Variants in NEB observed in about 807,000 individuals in gnomAD.
NEB encodes nemaline myopathy type 2.
A neutral mutation model predicts 952.2 loss-of-function variants in NEB; 512 were observed. The ratio of observed to expected loss-of-function variants is 0.54; its 90% CI spans 0.50 to 0.58. The LOEUF (loss-of-function observed/expected upper bound fraction) is 0.58. Among genes scored for constraint, NEB ranks in the 20% least tolerant of loss-of-function variants. NEB has a pLI of 0.00. For synonymous variants in NEB, 2,900 were observed against 3,149.8 expected (o/e 0.92, Z 2.66); for missense variants, 8,428 against 9,231.1 (o/e 0.91, Z 3.56).
chr2:151,489,962 T>C lies in NEB; in HGVS notation c.25404+9A>G, dbSNP rs771168563. ...AATAATTTATTTAAGTGAGTTGTTA[T>C]TCACTTACTCCAGCAGTAGATGGAT... On this transcript the variant is annotated intron_variant, in intron 181 of 181. Coordinates refer to ENST00000397345, the MANE Select transcript of NEB (RefSeq NM_001164508.2). 5 of 1,542,134 alleles carry C rather than the reference T, an allele frequency of 3.2e-6. No individual in the cohort carries two copies. The highest frequency in any genetic ancestry group is 2.2e-5 in the East Asian group (1 of 44,550).
At chr2:151,638,908 G>C (rs2098811054) in intron 63 of NEB, among the ~76,000 whole-genome samples, 1 of 151,332 alleles carries the variant, frequency 6.6e-6, no homozygotes, top group South Asian at 2.1e-4. Context: ...CTTAAATTTG[G>C]ATCCTAAACC....
At chr2:151,614,913 G>A (rs1489884739) in intron 76 of NEB, among the ~76,000 whole-genome samples, 1 of 152,120 alleles carries the variant, frequency 6.6e-6, no homozygotes, top group Non-Finnish European at 1.5e-5. Flanking sequence ...ACAATCTGAT[G>A]GAGCATAACA....
chr2:151,669,151 C>G lies in NEB; in HGVS notation c.4507-20G>C. On this transcript the variant is annotated intron_variant, in intron 38 of 181. Coordinates refer to ENST00000397345, the MANE Select transcript of NEB (RefSeq NM_001164508.2). Reference sequence around the variant, plus strand: ...GTTCAACTAAAAACAAAGGAGACAGCATGCACATATCATTAGCTGACATAA... The same window carrying G: ...GTTCAACTAAAAACAAAGGAGACAGGATGCACATATCATTAGCTGACATAA... 6.9e-7 allele frequency: 1 copy of G among 1,443,442 alleles called. No homozygotes were observed. Among genetic ancestry groups the G allele is most frequent in the Non-Finnish European group, 9.6e-7 (1 of 1,044,200 alleles). The allele number at this position is 1,443,442 out of a possible 1,614,324, so 89.4% of individuals were successfully genotyped here. A position where few individuals can be genotyped will look rare whatever the true frequency, so the allele number is the denominator to read the frequency against.
At chr2:151,664,027 T>G (rs2099177240) in intron 44 of NEB, among the ~76,000 whole-genome samples, 168 bp from the exon 45 acceptor site, 1 of 152,168 alleles carries the variant, frequency 6.6e-6, no homozygotes, top group Admixed American at 6.5e-5. Flanking sequence ...CTTCATTTTT[T>G]TTTTTCCCGA....
intron 7 of NEB, 84 bp downstream of exon 7, chr2:151,724,773 G>A (rs1407596954): frequency 3.6e-6 from 4 of 1,117,286 alleles, no homozygotes; most frequent in Non-Finnish European, 5.3e-6. Flanking sequence ...GCAGGATCAG[G>A]CCTGTCCAAT....
intron 157 of NEB, among the ~76,000 whole-genome samples, chr2:151,516,108 G>A (rs904974168): frequency 1.3e-5 from 2 of 152,196 alleles, no homozygotes; most frequent in Non-Finnish European, 2.9e-5. Flanking sequence ...TCTACTAAGA[G>A]TAGAGCATTT....
Position 151,679,701 on chromosome 2 carries a change from A to T in NEB, c.3255+20T>A. The T allele has an allele frequency of 1.3e-6, 1 of 755,416 alleles. No homozygotes were observed. The allele number at this position is 755,416 out of a possible 1,614,324, so 46.8% of individuals were successfully genotyped here. On this transcript the variant is annotated intron_variant, in intron 32 of 181. Transcript: ENST00000397345. ...ACCCACATTTTCTAGTTGCCCATGT[A>T]TGACCACAGCTGGACTTACGTCACT...
At chr2:151,578,794 G>C (rs1005630789) in intron 105 of NEB, among the ~76,000 whole-genome samples, 1 of 149,606 alleles carries the variant, frequency 6.7e-6, no homozygotes, top group Non-Finnish European at 1.5e-5. Context: ...AAGGAAGGGC[G>C]GGCAAGGCTG....
chr2:151,686,906 T>C (rs13394721), intron 27 of NEB, among the ~76,000 whole-genome samples: 4,498 of 152,248 alleles, frequency 0.03, 81 homozygotes, highest in Middle Eastern at 0.058. Context: ...AAAGAAATGT[T>C]CATTTTCTAG....
intron 10 of NEB, among the ~76,000 whole-genome samples, 171 bp from the exon 11 acceptor site, chr2:151,710,709 C>A (rs1037791621): frequency 1.3e-5 from 2 of 152,110 alleles, no homozygotes; most frequent in Non-Finnish European, 2.9e-5. Context: ...TTTACCCAAC[C>A]AGAAAGTTGG....
intron 36 of NEB, among the ~76,000 whole-genome samples, chr2:151,673,707 A>G (rs571458319): frequency 3.3e-4 from 49 of 148,994 alleles, no homozygotes; most frequent in African/African-American, 1.0e-3. Flanking sequence ...CAGGGCATGC[A>G]TGCTTTCTAA....
At chr2:151,535,169 T>A (rs910748998) in intron 142 of NEB, among the ~76,000 whole-genome samples, 2 of 152,088 alleles carry the variant, frequency 1.3e-5, no homozygotes, top group Admixed American at 6.5e-5. Flanking sequence ...AAAGAAAAAA[T>A]TTGGGTGCAG....
rs774029994 is a variant in NEB, at chr2:151,627,498, G to A, written c.10143+25C>T. On this transcript the variant is annotated intron_variant, in intron 69 of 181. Coordinates refer to ENST00000397345, the MANE Select transcript of NEB (RefSeq NM_001164508.2). Reference sequence around the variant, plus strand: ...TCTATGAATTACTATTATGAGCACAGTTACCATGGATCTTAATTACTCACA... The same window carrying A: ...TCTATGAATTACTATTATGAGCACAATTACCATGGATCTTAATTACTCACA... 2.5e-6 allele frequency: 4 copies of A among 1,609,962 alleles called. No individual in the cohort carries two copies. The Admixed American group carries it at 6.7e-5, about 27-fold the overall frequency.
rs779805343 is a variant in NEB, at chr2:151,485,741, G to T, written c.*19C>A. 3.1e-6 allele frequency: 5 copies of T among 1,594,622 alleles called. No individual in the cohort carries two copies. The highest frequency in any genetic ancestry group is 4.3e-6 in the Non-Finnish European group (5 of 1,166,580). ...CAGGATCTGTAAGTCCTGCAGACAA[G>T]TGTGATGCTTTGAAATGCCTAAATA... On this transcript the variant is annotated 3_prime_UTR_variant, in exon 182 of 182. Transcript: ENST00000397345.
chr2:151,672,749 A>G (rs2099315824), intron 36 of NEB, 69 bp from the exon 37 acceptor site: 1 of 1,338,064 alleles, frequency 7.5e-7, no homozygotes, highest in South Asian at 1.4e-5. Context: ...TTACATTCAC[A>G]TATAAAGACA....
In NEB at chr2:151,551,825, A is replaced by T; in HGVS notation, c.19857T>A (p.Tyr6619Ter). 1.2e-6 allele frequency: 2 copies of T among 1,613,076 alleles called. No homozygotes were observed. The highest frequency in any genetic ancestry group is 1.7e-6 in the Non-Finnish European group (2 of 1,179,308). Residue 6619 changes from tyrosine (Y) to a stop codon, truncating the protein, a stop_gained, in exon 129 of 182, where the codon TAT becomes TAA. Transcript: ENST00000397345. LOFTEE classifies it high-confidence loss of function. The stretch of plus-strand genomic sequence containing the variant: ...CCACTTTGCCTCTGACACTGTGCAC[A>T]TAGTCATAGTGGTAGACAGCCTGGT... Reference protein sequence around the residue: ...QLSDAVYHYDYVHSVRGKVAP... With the variant: ...QLSDAVYHYD
chr2:151,665,429 C>A lies in NEB; in HGVS notation c.5142G>T (p.Lys1714Asn). The A allele has an allele frequency of 6.2e-7, 1 of 1,613,728 alleles. No homozygotes were observed. Residue 1714 changes from lysine (K) to asparagine (N), a missense_variant, in exon 42 of 182, where the codon AAG (lysine) becomes AAT (asparagine). Physicochemically the swap from Lys to Asn is moderately conservative, Grantham distance 94. Around this residue, in one of 11 missense-constraint regions of NEB, gnomAD observed 2,851 missense variants for 2,791.5 expected, o/e 1.02. Coordinates refer to ENST00000397345, the MANE Select transcript of NEB (RefSeq NM_001164508.2). ...GCTTCTCGGGGTGCTGGCGATACTT[C>A]TTCTCACTAAGAATCTCTCCTGCTT... is the stretch of plus-strand genomic sequence containing the variant. ...AKKAGEILSE[K>N]KYRQHPEKLK...
chr2:151,547,977 A>G (rs2094916074), intron 131 of NEB, among the ~76,000 whole-genome samples: 1 of 152,190 alleles, frequency 6.6e-6, no homozygotes, highest in South Asian at 2.1e-4. Flanking sequence ...AGATATGCAA[A>G]CCAATAGTTG....
Position 151,679,796 on chromosome 2 carries a change from G to C in NEB, c.3180C>G (p.Ser1060Arg), listed in dbSNP as rs767846908. ...NMYKADLKDL[S>R]KKGYDLRTDA... is the part of the protein sequence containing the mutation. The stretch of plus-strand genomic sequence containing the variant: ...CAGTTCTCAGGTCATATCCCTTCTT[G>C]CTCAAGTCTTTCAAGTCTGCTTTGT... Residue 1060 changes from serine to arginine, a missense_variant, in exon 32 of 182, where the codon AGC (serine) becomes AGG (arginine). Around this residue, in one of 11 missense-constraint regions of NEB, gnomAD observed 2,851 missense variants for 2,791.5 expected, o/e 1.02. Coordinates refer to ENST00000397345, the MANE Select transcript of NEB (RefSeq NM_001164508.2). 2.5e-6 allele frequency: 4 copies of C among 1,613,568 alleles called. No individual in the cohort carries two copies. In the South Asian group the frequency reaches 3.3e-5, roughly 13 times the overall value.
Sources: allele counts gnomAD v4.1 joint callset (sites outside exome capture counted in the v4.1 genomes callset), GRCh38; gene constraint gnomAD v4.1.1; regional missense constraint gnomAD v4.1.1; transcripts MANE v1.5; gene names NCBI Gene and HGNC (gene_info 2026-07-23, HGNC 2026-07-21).